COL5A1: variants seen among roughly 807,000 people sequenced by gnomAD.
COL5A1 encodes the protein collagen type V alpha 1 chain.
A neutral mutation model predicts 263.7 loss-of-function variants in COL5A1; 16 were observed. The observed-to-expected ratio is 0.06, with a 90% CI of 0.04 to 0.09. The LOEUF (loss-of-function observed/expected upper bound fraction) is 0.09. COL5A1 is among the 10% of genes least tolerant of loss of function. The pLI is 1.00. For missense variants in COL5A1, 2,036 were observed against 2,540.5 expected (o/e 0.80, Z 4.27); for synonymous variants, 1,012 against 1,004.5 (o/e 1.01, Z -0.14).
chr9:134,830,264 A>G, intron 64 of COL5A1: 1 of 1,362,420 alleles, frequency 7.3e-7, no homozygotes, highest in East Asian at 2.5e-5. Context: ...CATCGCTGCC[A>G]TGTGTGCCAC....
intron 4 of COL5A1, among the ~76,000 whole-genome samples, chr9:134,712,695 C>T (rs1389916104): frequency 1.4e-5 from 2 of 146,944 alleles, no homozygotes; most frequent in Non-Finnish European, 3.0e-5. Flanking sequence ...CCATCCTGCC[C>T]CTGGCTTTTC....
chr9:134,760,919 A>G (rs1021821937), intron 18 of COL5A1, among the ~76,000 whole-genome samples: 102 of 144,166 alleles, frequency 7.1e-4, no homozygotes, highest in Admixed American at 5.6e-3. Flanking sequence ...GCACACACAC[A>G]CGTACACACA....
chr9:134,720,938 G>C (rs929504357), intron 4 of COL5A1, among the ~76,000 whole-genome samples: 2 of 152,170 alleles, frequency 1.3e-5, no homozygotes, highest in Non-Finnish European at 2.9e-5. Context: ...GCGGCTCCAG[G>C]CCTGGCTGCA....
intron 8 of COL5A1, 47 bp downstream of exon 8, chr9:134,731,710 G>A (rs530156761): frequency 1.3e-5 from 21 of 1,562,478 alleles, no homozygotes; most frequent in Admixed American, 3.5e-5. Flanking sequence ...GGGGGCTGGT[G>A]GGGCATCATG....
At chr9:134,822,453 C>A (rs565835260) in intron 59 of COL5A1, among the ~76,000 whole-genome samples, 42 of 152,276 alleles carry the variant, frequency 2.8e-4, no homozygotes, top group African/African-American at 1.0e-3. Flanking sequence ...TAGTAGTTGG[C>A]TCTCCAGCCC....
At chr9:134,836,212 C>T (rs951004368) in intron 65 of COL5A1, among the ~76,000 whole-genome samples, 10 of 152,194 alleles carry the variant, frequency 6.6e-5, no homozygotes, top group African/African-American at 2.2e-4. Context: ...TGTGTGGTGC[C>T]AGCATCTGCG....
At chr9:134,840,091 T>A (rs986573359) in intron 65 of COL5A1, among the ~76,000 whole-genome samples, 1 of 152,264 alleles carries the variant, frequency 6.6e-6, no homozygotes, top group Non-Finnish European at 1.5e-5. Flanking sequence ...CTATCAGAAT[T>A]GTCTGAGACA....
chr9:134,756,674 C>A, intron 16 of COL5A1, 91 bp from the exon 17 acceptor site: 4 of 1,398,402 alleles, frequency 2.9e-6, no homozygotes, highest in African/African-American at 1.4e-5. Flanking sequence ...TCTGGTGGAA[C>A]GCTCAACTTG....
In COL5A1 at chr9:134,710,977, G is replaced by A. The variant is rs556754961; in HGVS notation, c.654+9644G>A. Among the ~76,000 whole-genome samples, 21 of 148,016 alleles carry A rather than the reference G, an allele frequency of 1.4e-4. No homozygotes were observed. The East Asian group carries it at 4.1e-3, about 29-fold the overall frequency. ...CCCGTCTGTTGGGTGCAGTGGTGGGGGAGGGGCCCCGTTTGTTGGGTGCAG... is the reference window on the plus strand; with the variant it reads ...CCCGTCTGTTGGGTGCAGTGGTGGGAGAGGGGCCCCGTTTGTTGGGTGCAG... On this transcript the variant is annotated intron_variant, in intron 4 of 65. Transcript: ENST00000371817.
intron 57 of COL5A1, 94 bp downstream of exon 57, chr9:134,819,147 C>A: frequency 7.5e-7 from 1 of 1,328,076 alleles, no homozygotes; most frequent in Non-Finnish European, 1.1e-6. Context: ...GATCCGTCAC[C>A]TAAATGTGTC....
intron 34 of COL5A1, 97 bp downstream of exon 34, chr9:134,795,412 TAAA>T (rs79903250): frequency 3.1e-4 from 246 of 784,850 alleles, no homozygotes; most frequent in Middle Eastern, 7.0e-4. Context: ...CCTTTTTTAT[TAAA>T]AAAAAAAAAA....
Position 134,741,245 on chromosome 9 carries a change from T to C in COL5A1, c.1494+2437T>C, listed in dbSNP as rs1484416144. ...TGTCTCTGCCCTCGGAGGTTGAGCA[T>C]CTGGGGCCTCCAAAAGACAGATTAA... On this transcript the variant is annotated intron_variant, in intron 11 of 65. Transcript: ENST00000371817. The surrounding 1 kb of genome is among the most constrained non-coding windows in gnomAD (Gnocchi z 4.5). Among the ~76,000 whole-genome samples, 4 of 152,228 alleles carry C rather than the reference T, an allele frequency of 2.6e-5. No individual in the cohort carries two copies. Among genetic ancestry groups the C allele is most frequent in the East Asian group, 3.8e-4 (2 of 5,196 alleles).
chr9:134,784,250 C>T (rs1837368172), intron 29 of COL5A1, among the ~76,000 whole-genome samples: 1 of 152,254 alleles, frequency 6.6e-6, no homozygotes, highest in Admixed American at 6.5e-5. Flanking sequence ...TTTTCTCTAT[C>T]TGAGCAATAC....
In COL5A1 at chr9:134,841,654, C is replaced by T. The variant is rs1588621203; in HGVS notation, c.5371-503C>T. Among the ~76,000 whole-genome samples the T allele has an allele frequency of 1.3e-5, 2 of 152,146 alleles. No individual in the cohort carries two copies. The highest frequency in any genetic ancestry group is 1.9e-4 in the East Asian group (1 of 5,160). Reference sequence around the variant, plus strand: ...CCTAAGGCAGTGTGTGGCAGGTGGTCGTAGGGGGGTCTTACTTGGCTCAAG... The same window carrying T: ...CCTAAGGCAGTGTGTGGCAGGTGGTTGTAGGGGGGTCTTACTTGGCTCAAG... On this transcript the variant is annotated intron_variant, in intron 65 of 65. Coordinates refer to ENST00000371817, the MANE Select transcript of COL5A1 (RefSeq NM_000093.5). This position sits in a 1 kb window ranked among gnomAD's most constrained non-coding sequence, Gnocchi z 4.8.
At chr9:134,728,566 G>C in intron 5 of COL5A1, 104 bp from the exon 6 acceptor site, 2 of 1,535,798 alleles carry the variant, frequency 1.3e-6, no homozygotes, top group Non-Finnish European at 1.8e-6. Flanking sequence ...GGGGCTGGAC[G>C]GGGCGTCGTG....
chr9:134,823,073 G>T (rs200471891), intron 60 of COL5A1, 40 bp downstream of exon 60: 2 of 1,612,214 alleles, frequency 1.2e-6, no homozygotes, highest in African/African-American at 2.7e-5. Flanking sequence ...TGCCTGGAAG[G>T]TAGGGGAGGG....
chr9:134,745,311 A>G (rs531724684), intron 11 of COL5A1, among the ~76,000 whole-genome samples: 2 of 152,372 alleles, frequency 1.3e-5, no homozygotes, highest in Admixed American at 1.3e-4. Context: ...GGACATTTCT[A>G]GAGTGAAGGG....
intron 18 of COL5A1, among the ~76,000 whole-genome samples, chr9:134,760,699 A>C (rs563750959): frequency 1.8e-4 from 23 of 128,448 alleles, no homozygotes; most frequent in African/African-American, 5.7e-4. Context: ...ATACATGCAC[A>C]CACACACCCA....
rs561586873 is a variant in COL5A1, at chr9:134,752,788, G to T, written c.1719+143G>T. On this transcript the variant is annotated intron_variant, in intron 14 of 65. Coordinates refer to ENST00000371817, the MANE Select transcript of COL5A1 (RefSeq NM_000093.5). ...TCCAGTGCCTGTTCCCAGGAGGGTG[G>T]CCAGGGGGACCAGGGGCCTCTCTCG... The T allele has an allele frequency of 7.6e-5, 51 of 670,410 alleles. No homozygotes were observed. In the African/African-American group the frequency reaches 8.7e-4, roughly 11 times the overall value. 41.5% of individuals were successfully genotyped at this position (670,410 alleles called of 1,614,324 possible).
Sources: gnomAD v4.1 joint callset for allele counts (sites outside exome capture counted in the v4.1 genomes callset) on GRCh38, gnomAD v4.1.1 for gene constraint, Gnocchi (gnomAD v3.1) non-coding constraint, MANE v1.5 for transcripts, NCBI Gene and HGNC (gene_info 2026-07-23, HGNC 2026-07-21) for gene names.